PAPPA2: variants seen among roughly 807,000 people sequenced by gnomAD.
The protein encoded by PAPPA2 is pappalysin 2, also known as pappalysin-2.
PAPPA2 carries 86 observed loss-of-function variants against 176.4 expected under a neutral mutation model. The observed-to-expected ratio is 0.49, with a 90% CI of 0.41 to 0.58. The LOEUF is 0.58. Ranked by LOEUF, PAPPA2 falls within the 20% of genes least tolerant of loss-of-function variation. The pLI is 0.00. For missense variants in PAPPA2, 2,073 were observed against 2,256.9 expected (o/e 0.92, Z 1.65); for synonymous variants, 809 against 852.2 (o/e 0.95, Z 0.88).
At chr1:176,558,891 T>C (rs1294858494) in intron 2 of PAPPA2, among the ~76,000 whole-genome samples, 1 of 152,010 alleles carries the variant, frequency 6.6e-6, no homozygotes, top group African/African-American at 2.4e-5. Flanking sequence ...GAGAGAAAGA[T>C]CCAATAGGAG....
chr1:176,710,143 T>C lies in PAPPA2; in HGVS notation c.3618T>C (p.Pro1206=). 6.2e-7 allele frequency: 1 copy of C among 1,613,694 alleles called. No homozygotes were observed. The highest frequency in any genetic ancestry group is 1.3e-5 in the African/African-American group (1 of 75,024). Residue 1206 remains proline (P), a synonymous_variant, in exon 11 of 23, where the codon CCT becomes CCC. Coordinates refer to ENST00000367662, the MANE Select transcript of PAPPA2 (RefSeq NM_020318.3). ...YSSHEDKKKC[P]VSLVTGEPHS... ...CTCATGAAGACAAGAAGAAGTGTCC[T>C]GTTTCCTTGGTAACTGGAGAACCTC...
At position 176,844,136 on chromosome 1, in the gene PAPPA2, A is replaced by C. The variant is rs191864006; in HGVS notation, c.*1682A>C. ...AGTAAGGAGCCAGTTTCTGTTTAAC[A>C]TTCTAGTTTTACTCATTTTAGGAAG... On this transcript the variant is annotated 3_prime_UTR_variant, in exon 23 of 23. Coordinates refer to ENST00000367662, the MANE Select transcript of PAPPA2 (RefSeq NM_020318.3). 3.4e-5 allele frequency: 5 copies of C among 146,576 alleles called. No homozygotes were observed. The highest frequency in any genetic ancestry group is 1.4e-4 in the Admixed American group (2 of 14,572). The allele number at this position is 146,576 out of a possible 1,614,324, so 9.1% of individuals were successfully genotyped here.
In PAPPA2 at chr1:176,556,787, G is replaced by C. The variant is rs1343299372; in HGVS notation, c.465G>C (p.Glu155Asp). The C allele has an allele frequency of 6.2e-7, 1 of 1,614,134 alleles. No individual in the cohort carries two copies. Among genetic ancestry groups the C allele is most frequent in the South Asian group, 1.1e-5 (1 of 91,060 alleles). Residue 155 changes from glutamate to aspartate, a missense_variant, in exon 2 of 23, where the codon GAG becomes GAC. Glu to Asp is a conservative substitution (Grantham distance 45). Around this residue, in one of 4 missense-constraint regions of PAPPA2, gnomAD observed 1,196 missense variants for 1,330.4 expected, o/e 0.90. Transcript: ENST00000367662. ...DAYLGNQRSK[E>D]SLGEAGIQKG... ...ATCTCGGCAATCAAAGATCCAAGGA[G>C]TCTCTAGGTGAGGCCGGGATTCAGA...
intron 2 of PAPPA2, among the ~76,000 whole-genome samples, chr1:176,580,484 T>C (rs1229598547): frequency 3.3e-5 from 5 of 152,236 alleles, no homozygotes; most frequent in African/African-American, 1.2e-4. Flanking sequence ...TTTCCTTTGC[T>C]TTGCATAAAT....
At chr1:176,624,717 A>G (rs988051048) in intron 3 of PAPPA2, among the ~76,000 whole-genome samples, 2 of 152,076 alleles carry the variant, frequency 1.3e-5, no homozygotes, top group African/African-American at 2.4e-5. Context: ...TTCCACTTCT[A>G]TCTCCATCCC....
chr1:176,489,758 C>T (rs1021929996), intron 1 of PAPPA2, among the ~76,000 whole-genome samples: 1 of 152,166 alleles, frequency 6.6e-6, no homozygotes, highest in Non-Finnish European at 1.5e-5. Context: ...TCCATTGCTG[C>T]CTTCTCTGTA....
chr1:176,623,667 CTT>C (rs57278002), intron 3 of PAPPA2, among the ~76,000 whole-genome samples: 4,402 of 57,714 alleles, frequency 0.076, 148 homozygotes, highest in African/African-American at 0.13. Flanking sequence ...TTCTTTCTTT[CTT>C]TTTCTTTCTT....
At chr1:176,782,663 A>G (rs1664769402) in intron 17 of PAPPA2, among the ~76,000 whole-genome samples, 1 of 152,198 alleles carries the variant, frequency 6.6e-6, no homozygotes, top group Non-Finnish European at 1.5e-5. Flanking sequence ...TGAATGTGGC[A>G]TTGAATAAAG....
chr1:176,473,182 A>C (rs1230311259), intron 1 of PAPPA2, among the ~76,000 whole-genome samples: 1 of 152,118 alleles, frequency 6.6e-6, no homozygotes, highest in African/African-American at 2.4e-5. Context: ...CCACCTATTC[A>C]TCCTTCCCTC....
At chr1:176,540,005 T>G (rs1252597424) in intron 1 of PAPPA2, among the ~76,000 whole-genome samples, 1 of 152,200 alleles carries the variant, frequency 6.6e-6, no homozygotes, top group Non-Finnish European at 1.5e-5. Context: ...CTTTCTGATC[T>G]TAGTCTGCTG....
At chr1:176,548,268 G>T (rs1195434080) in intron 1 of PAPPA2, among the ~76,000 whole-genome samples, 2 of 151,916 alleles carry the variant, frequency 1.3e-5, no homozygotes, top group African/African-American at 2.4e-5. Flanking sequence ...TATTTGGTTG[G>T]CTATTTGTCT....
chr1:176,585,880 A>AT (rs1189678956), intron 2 of PAPPA2, among the ~76,000 whole-genome samples: 1 of 152,038 alleles, frequency 6.6e-6, no homozygotes, highest in Non-Finnish European at 1.5e-5. Context: ...CAAATAATGA[A>AT]TTTTTTTATT....
chr1:176,674,807 T>C (rs571345944), intron 4 of PAPPA2, among the ~76,000 whole-genome samples: 18 of 151,912 alleles, frequency 1.2e-4, no homozygotes, highest in African/African-American at 3.9e-4. Context: ...GTGGGATTGC[T>C]GGATCAAAAG....
chr1:176,719,292 A>G (rs561877295), intron 12 of PAPPA2, among the ~76,000 whole-genome samples: 1 of 152,132 alleles, frequency 6.6e-6, no homozygotes, highest in Non-Finnish European at 1.5e-5. Context: ...TGAAACTAAT[A>G]TTTAGTTCAC....
chr1:176,697,018 T>G (rs952853924), intron 7 of PAPPA2, among the ~76,000 whole-genome samples: 1 of 152,188 alleles, frequency 6.6e-6, no homozygotes, highest in Non-Finnish European at 1.5e-5. Flanking sequence ...AAACAGAGAT[T>G]TGCATTTCAT....
intron 17 of PAPPA2, among the ~76,000 whole-genome samples, chr1:176,789,293 A>C (rs1170628491): frequency 6.6e-6 from 1 of 152,286 alleles, no homozygotes; most frequent in African/African-American, 2.4e-5. Flanking sequence ...TCAGCAAACT[A>C]TCGCAAGGAC....
chr1:176,534,284 A>T (rs372160079), intron 1 of PAPPA2, among the ~76,000 whole-genome samples: 13 of 152,120 alleles, frequency 8.5e-5, no homozygotes, highest in African/African-American at 3.1e-4. Flanking sequence ...TGTTTTTCCC[A>T]GGTTCTAATG....
intron 12 of PAPPA2, among the ~76,000 whole-genome samples, chr1:176,719,466 G>GT (rs746066288): frequency 7.2e-4 from 110 of 152,220 alleles, no homozygotes; most frequent in Non-Finnish European, 1.3e-3. Flanking sequence ...GAATTGTCGT[G>GT]TTTCCTGTGA....
chr1:176,775,075 C>T (rs1664398145), intron 17 of PAPPA2, among the ~76,000 whole-genome samples: 1 of 152,146 alleles, frequency 6.6e-6, no homozygotes, highest in African/African-American at 2.4e-5. Context: ...TACCAGGTCT[C>T]CCTAGACTGT....
Sources: gnomAD v4.1 joint callset for allele counts (sites outside exome capture counted in the v4.1 genomes callset) on GRCh38, gnomAD v4.1.1 for gene constraint, gnomAD v4.1.1 regional missense constraint, MANE v1.5 for transcripts, NCBI Gene and HGNC (gene_info 2026-07-23, HGNC 2026-07-21) for gene names.